ARHGAP10: variants seen among roughly 807,000 people sequenced by gnomAD.
The protein encoded by ARHGAP10 is rho GTPase-activating protein 10.
In ARHGAP10, 87 loss-of-function variants were observed where a neutral mutation model predicts 108.6. The observed-to-expected ratio is 0.80, with a 90% CI of 0.67 to 0.96. ARHGAP10 has a LOEUF of 0.96. Ranked by LOEUF, ARHGAP10 falls within the 40% of genes least tolerant of loss-of-function variation. ARHGAP10 has a pLI of 0.00. For missense variants in ARHGAP10, 939 were observed against 954.5 expected (o/e 0.98, Z 0.21); for synonymous variants, 347 against 341.1 (o/e 1.02, Z -0.19).
At chr4:147,748,001 ACAC>A (rs1729005125) in intron 1 of ARHGAP10, among the ~76,000 whole-genome samples, 7 of 152,170 alleles carry the variant, frequency 4.6e-5, no homozygotes. Flanking sequence ...ATGCTGCTAA[ACAC>A]CCTGCAGTGC....
chr4:147,743,962 T>C (rs1400416772), intron 1 of ARHGAP10, among the ~76,000 whole-genome samples: 1 of 152,214 alleles, frequency 6.6e-6, no homozygotes, highest in African/African-American at 2.4e-5. Flanking sequence ...AACAACCTTA[T>C]TTATGACAGT....
intron 13 of ARHGAP10, among the ~76,000 whole-genome samples, chr4:147,918,028 T>A (rs986135607): frequency 5.9e-5 from 9 of 152,170 alleles, no homozygotes; most frequent in African/African-American, 2.2e-4. Context: ...ATTTTTATAA[T>A]CTTACTGCTT....
At chr4:147,732,504 G>C (rs747647835) in intron 1 of ARHGAP10, 49 bp downstream of exon 1, 3 of 1,601,442 alleles carry the variant, frequency 1.9e-6, no homozygotes, top group Non-Finnish European at 2.6e-6. Context: ...CGAGGCGGCT[G>C]GGGGAGCCTC....
At chr4:147,822,108 A>G (rs1199484246) in intron 1 of ARHGAP10, among the ~76,000 whole-genome samples, 1 of 152,204 alleles carries the variant, frequency 6.6e-6, no homozygotes, top group Non-Finnish European at 1.5e-5. Flanking sequence ...TTCCACTATT[A>G]ATCTCCAATT....
chr4:147,909,811 C>T (rs537148854), intron 12 of ARHGAP10, 34 bp downstream of exon 12: 20 of 1,576,372 alleles, frequency 1.3e-5, no homozygotes, highest in Non-Finnish European at 1.6e-5. Context: ...ATTGTATCCT[C>T]CTTTTCCATC....
intron 8 of ARHGAP10, among the ~76,000 whole-genome samples, chr4:147,876,583 ACT>A (rs1298917392): frequency 1.3e-5 from 2 of 151,966 alleles, no homozygotes; most frequent in Middle Eastern, 3.2e-3. Flanking sequence ...ACAAAGCAAG[ACT>A]CTGTCTCAAA....
chr4:148,050,037 T>C (rs1215777148), intron 20 of ARHGAP10, among the ~76,000 whole-genome samples: 1 of 152,112 alleles, frequency 6.6e-6, no homozygotes, highest in Non-Finnish European at 1.5e-5. Context: ...TGGCTACTTT[T>C]CATATTTTTG....
chr4:147,993,014 T>G (rs1740338554), intron 18 of ARHGAP10, among the ~76,000 whole-genome samples: 1 of 152,256 alleles, frequency 6.6e-6, no homozygotes, highest in Non-Finnish European at 1.5e-5. Flanking sequence ...CTACTTCTTA[T>G]GCAGATATTT....
intron 1 of ARHGAP10, among the ~76,000 whole-genome samples, chr4:147,753,754 T>C (rs1729260500): frequency 6.6e-6 from 1 of 152,180 alleles, no homozygotes; most frequent in Non-Finnish European, 1.5e-5. Flanking sequence ...TTTTTCCCCT[T>C]TCGAAACTAT....
At position 147,822,770 on chromosome 4, in the gene ARHGAP10, C is replaced by CT; in HGVS notation, c.201dup (p.Lys68Ter). 6.2e-7 allele frequency: 1 copy of CT among 1,614,212 alleles called. No individual in the cohort carries two copies. On this transcript the variant is annotated frameshift_variant, in exon 2 of 23. Coordinates refer to ENST00000336498, the MANE Select transcript of ARHGAP10 (RefSeq NM_024605.4). LOFTEE classifies it high-confidence loss of function. ...GGAAGTTTGCTCATTCACTCAGAGA[C>CT]TTTAAGTTTGAGTTTATCGGTGATG...
At chr4:147,829,935 G>A (rs566069739) in intron 3 of ARHGAP10, among the ~76,000 whole-genome samples, 1 of 152,162 alleles carries the variant, frequency 6.6e-6, no homozygotes, top group Non-Finnish European at 1.5e-5. Flanking sequence ...GCGGGGAAGC[G>A]GGAGTGCCAG....
chr4:147,746,327 C>T (rs1380130703), intron 1 of ARHGAP10, among the ~76,000 whole-genome samples: 2 of 151,440 alleles, frequency 1.3e-5, no homozygotes, highest in African/African-American at 2.4e-5. Flanking sequence ...TGGTCTTGAT[C>T]TCTTAACCTT....
intron 18 of ARHGAP10, among the ~76,000 whole-genome samples, chr4:148,015,214 T>G (rs891619518): frequency 5.3e-5 from 8 of 152,192 alleles, no homozygotes; most frequent in Admixed American, 2.6e-4. Flanking sequence ...TTTCAGCTAT[T>G]CAGCAAAATC....
intron 18 of ARHGAP10, among the ~76,000 whole-genome samples, chr4:148,002,711 A>G (rs1427512499): frequency 2.6e-5 from 4 of 152,272 alleles, no homozygotes; most frequent in South Asian, 4.1e-4. Context: ...AGAGGTGTTT[A>G]TAGTATTCTG....
At chr4:148,017,440 C>G (rs1369821622) in intron 18 of ARHGAP10, among the ~76,000 whole-genome samples, 1 of 151,820 alleles carries the variant, frequency 6.6e-6, no homozygotes, top group African/African-American at 2.4e-5. Context: ...TAGACAGTAC[C>G]TGATACCCCC....
At chr4:147,984,989 T>A (rs1313500989) in intron 18 of ARHGAP10, among the ~76,000 whole-genome samples, 5 of 152,134 alleles carry the variant, frequency 3.3e-5, no homozygotes, top group African/African-American at 1.2e-4. Context: ...AATGGGTGGC[T>A]ACTAGGCACA....
intron 5 of ARHGAP10, among the ~76,000 whole-genome samples, chr4:147,859,115 C>A (rs897371503): frequency 6.6e-6 from 1 of 152,118 alleles, no homozygotes; most frequent in African/African-American, 2.4e-5. Context: ...TATTTGTTTT[C>A]CTTCTGCCTG....
rs745393301 is a variant in ARHGAP10, at chr4:147,906,720, G to A, written c.1116+1G>A. 16 of 1,614,064 alleles carry A rather than the reference G, an allele frequency of 9.9e-6. No individual in the cohort carries two copies. The South Asian group carries it at 1.8e-4, about 18-fold the overall frequency. On this transcript the variant is annotated splice_donor_variant, in intron 11 of 22. Coordinates refer to ENST00000336498, the MANE Select transcript of ARHGAP10 (RefSeq NM_024605.4). LOFTEE classifies it high-confidence loss of function. ...GGAAGCTCTGGGTGGAAAGGAAGCT[G>A]TAAGAATAATCAATGGTTGAGTTTT...
At chr4:148,002,769 T>G (rs1740777859) in intron 18 of ARHGAP10, among the ~76,000 whole-genome samples, 1 of 152,224 alleles carries the variant, frequency 6.6e-6, no homozygotes, top group Non-Finnish European at 1.5e-5. Flanking sequence ...ATCCTCTTTA[T>G]CATTTTTTAT....
Sources: gnomAD v4.1 joint callset for allele counts (sites outside exome capture counted in the v4.1 genomes callset) on GRCh38, gnomAD v4.1.1 for gene constraint, MANE v1.5 for transcripts, NCBI Gene and HGNC (gene_info 2026-07-23, HGNC 2026-07-21) for gene names.